Variants in ADGRL3 observed in about 807,000 individuals in gnomAD.
ADGRL3 encodes adhesion G protein-coupled receptor L3.
A neutral mutation model predicts 153.5 loss-of-function variants in ADGRL3; 62 were observed. That is an observed-to-expected ratio of 0.40 (90% CI 0.33 to 0.50). ADGRL3 has a LOEUF of 0.50. Ranked by LOEUF, ADGRL3 falls within the 20% of genes least tolerant of loss-of-function variation. The pLI, the probability that ADGRL3 is intolerant of heterozygous loss-of-function variation, is 0.47. For missense variants in ADGRL3, 1,641 were observed against 1,859.4 expected (o/e 0.88, Z 2.16); for synonymous variants, 710 against 672.5 (o/e 1.06, Z -0.86).
chr4:61,439,916 C>T (rs532761098), intron 2 of ADGRL3, among the ~76,000 whole-genome samples: 42 of 152,230 alleles, frequency 2.8e-4, no homozygotes, highest in African/African-American at 7.0e-4. Context: ...GATACACATA[C>T]ATAACATATA....
intron 2 of ADGRL3, among the ~76,000 whole-genome samples, chr4:61,476,730 A>C (rs897347109): frequency 8.8e-5 from 13 of 148,474 alleles, no homozygotes; most frequent in East Asian, 6.0e-4. Flanking sequence ...AAAAAAAAAA[A>C]AAAAAAAACA....
At chr4:61,913,827 CTT>C (rs2098733220) in intron 13 of ADGRL3, among the ~76,000 whole-genome samples, 1 of 152,206 alleles carries the variant, frequency 6.6e-6, no homozygotes, top group South Asian at 2.1e-4. Context: ...TTGGGGCAAA[CTT>C]AGTCAGATTA....
chr4:62,006,007 T>C (rs374936069), intron 21 of ADGRL3, among the ~76,000 whole-genome samples: 605 of 54,396 alleles, frequency 0.011, 4 homozygotes, highest in African/African-American at 0.02. Context: ...CACACACATA[T>C]ATATATATAT....
At chr4:61,759,534 G>T (rs1439661494) in intron 8 of ADGRL3, among the ~76,000 whole-genome samples, 1 of 152,036 alleles carries the variant, frequency 6.6e-6, no homozygotes, top group African/African-American at 2.4e-5. Context: ...GGTCCTTTAA[G>T]GAGTTCTCTG....
chr4:61,959,699 AC>A, intron 17 of ADGRL3, among the ~76,000 whole-genome samples: 1 of 152,302 alleles, frequency 6.6e-6, no homozygotes, highest in East Asian at 1.9e-4. Context: ...ACATGAAAGT[AC>A]TTGTTTTTCA....
At chr4:61,995,932 A>G (rs2099120145) in intron 19 of ADGRL3, among the ~76,000 whole-genome samples, 1 of 152,156 alleles carries the variant, frequency 6.6e-6, no homozygotes, top group African/African-American at 2.4e-5. Flanking sequence ...GTTATGTAGC[A>G]CCATAATCGG....
At chr4:61,587,948 A>C (rs1458475502) in intron 5 of ADGRL3, among the ~76,000 whole-genome samples, 2 of 152,038 alleles carry the variant, frequency 1.3e-5, no homozygotes, top group East Asian at 1.9e-4. Context: ...GCTATTCAGC[A>C]TATGAAATTA....
chr4:61,426,613 A>G (rs1342148834), intron 2 of ADGRL3: 1 of 152,210 alleles, frequency 6.6e-6, no homozygotes, highest in Non-Finnish European at 1.5e-5. Context: ...AACACTGGGG[A>G]GAGTGGATTG....
chr4:61,281,799 A>T (rs1180156027), intron 1 of ADGRL3, among the ~76,000 whole-genome samples: 1 of 152,120 alleles, frequency 6.6e-6, no homozygotes, highest in African/African-American at 2.4e-5. Context: ...AAACCATAAC[A>T]TTGATTTGGA....
At chr4:61,808,652 C>CA (rs1033361334) in intron 8 of ADGRL3, among the ~76,000 whole-genome samples, 18 of 151,754 alleles carry the variant, frequency 1.2e-4, no homozygotes, top group East Asian at 1.9e-4. Flanking sequence ...GACCTGAAGA[C>CA]AAAAAAAATC....
chr4:61,802,845 G>A (rs1434571392), intron 8 of ADGRL3, among the ~76,000 whole-genome samples: 4 of 151,946 alleles, frequency 2.6e-5, no homozygotes, highest in African/African-American at 7.2e-5. Context: ...AGATGTCCTT[G>A]GTGTCATTTT....
intron 4 of ADGRL3, among the ~76,000 whole-genome samples, chr4:61,572,642 G>C (rs1448340201): frequency 6.6e-6 from 1 of 151,954 alleles, no homozygotes; most frequent in Non-Finnish European, 1.5e-5. Flanking sequence ...CATGGCCTCT[G>C]TGACTGGTGG....
chr4:61,605,644 TATAAG>T (rs2099029694), intron 5 of ADGRL3, among the ~76,000 whole-genome samples: 2 of 152,222 alleles, frequency 1.3e-5, no homozygotes, highest in African/African-American at 4.8e-5. Flanking sequence ...AAACTTAACA[TATAAG>T]AGAAACCAAA....
chr4:61,813,528 C>T (rs1269967503), intron 8 of ADGRL3, among the ~76,000 whole-genome samples: 2 of 151,774 alleles, frequency 1.3e-5, no homozygotes, highest in African/African-American at 4.8e-5. Context: ...TTTCTTATAA[C>T]TCATTTTTAT....
chr4:61,428,122 C>G (rs540757902), intron 2 of ADGRL3: 1 of 152,788 alleles, frequency 6.5e-6, no homozygotes, highest in Admixed American at 6.5e-5. Flanking sequence ...CAGGTTCCAA[C>G]CTGAGCTGGG....
chr4:61,370,832 T>A (rs1280216032), intron 1 of ADGRL3, among the ~76,000 whole-genome samples: 1 of 152,200 alleles, frequency 6.6e-6, no homozygotes, highest in Non-Finnish European at 1.5e-5. Flanking sequence ...CAGTGGGATG[T>A]TAAAGTCTCC....
chr4:61,517,746 T>C (rs190230468), intron 4 of ADGRL3, among the ~76,000 whole-genome samples: 1 of 152,386 alleles, frequency 6.6e-6, no homozygotes, highest in African/African-American at 2.4e-5. Flanking sequence ...AAATGTTTTA[T>C]TTAAAATACT....
At chr4:61,814,252 C>T (rs1397729559) in intron 9 of ADGRL3, among the ~76,000 whole-genome samples, 3 of 149,234 alleles carry the variant, frequency 2.0e-5, no homozygotes, top group Non-Finnish European at 4.4e-5. Flanking sequence ...ATTAAGATGT[C>T]TTAATCTAAA....
At chr4:61,640,688 A>G (rs745870406) in intron 5 of ADGRL3, among the ~76,000 whole-genome samples, 1 of 152,214 alleles carries the variant, frequency 6.6e-6, no homozygotes, top group Non-Finnish European at 1.5e-5. Context: ...ACTTTTTATT[A>G]AGAAAACTCT....
Sources: gnomAD v4.1 joint callset for allele counts (sites outside exome capture counted in the v4.1 genomes callset) on GRCh38, gnomAD v4.1.1 for gene constraint, MANE v1.5 for transcripts, NCBI Gene and HGNC (gene_info 2026-07-23, HGNC 2026-07-21) for gene names.